HPCAL1: variants seen among roughly 807,000 people sequenced by gnomAD.
HPCAL1 encodes the protein hippocalcin-like protein 1.
Under a neutral mutation model 17.1 loss-of-function variants are expected in HPCAL1, and 8 were observed. The observed-to-expected ratio is 0.47, with a 90% CI of 0.27 to 0.84. The LOEUF is 0.84. HPCAL1 is among the 40% of genes least tolerant of loss of function. The pLI is 0.13. For synonymous variants in HPCAL1, 112 were observed against 111.4 expected, an observed-to-expected ratio of 1.01 and a Z score of -0.03; for missense variants, 165 against 271.1, an observed-to-expected ratio of 0.61 and a Z score of 2.75.
intron 2 of HPCAL1, among the ~76,000 whole-genome samples, chr2:10,413,039 G>A (rs1434335074): frequency 1.3e-5 from 2 of 152,206 alleles, no homozygotes; most frequent in African/African-American, 4.8e-5. Flanking sequence ...GCTAGACCTG[G>A]AACCTTAGGA....
chr2:10,378,417 C>G (rs559170816), intron 1 of HPCAL1, among the ~76,000 whole-genome samples: 2 of 151,880 alleles, frequency 1.3e-5, no homozygotes, highest in Non-Finnish European at 2.9e-5. Context: ...CTCCATGGAC[C>G]GGGCCGCCTA....
rs531203559 is a variant in HPCAL1 at position 10,332,262 on chromosome 2, T to G, written c.-111+29085T>G. Among the ~76,000 whole-genome samples the G allele has an allele frequency of 4.8e-4, 73 of 152,342 alleles. 1 individual carries two copies. Among genetic ancestry groups the G allele is most frequent in the Admixed American group, 3.3e-3 (51 of 15,306 alleles). On this transcript the variant is annotated intron_variant, in intron 1 of 4. Coordinates refer to ENST00000307845, the MANE Select transcript of HPCAL1 (RefSeq NM_002149.4). ...GATCCCGTCAGCTTCTTCCCCCTCC[T>G]TCTCCATCTGATCTGAGCATTTACC... is the stretch of plus-strand genomic sequence containing the variant.
intron 1 of HPCAL1, among the ~76,000 whole-genome samples, chr2:10,306,137 C>T (rs1021077041): frequency 1.3e-5 from 2 of 152,104 alleles, no homozygotes; most frequent in Non-Finnish European, 2.9e-5. Context: ...TATTTGGCAC[C>T]GAAGATTAAG....
At chr2:10,420,208 G>GGT in intron 3 of HPCAL1, 73 bp downstream of exon 3, 105 of 734,008 alleles carry the variant, frequency 1.4e-4, no homozygotes, top group Non-Finnish European at 1.8e-4. Flanking sequence ...CCAGCCCAGG[G>GGT]CTTTTTTTTT....
chr2:10,419,868 C>T lies in HPCAL1; in HGVS notation c.111C>T (p.Asp37=). The T allele has an allele frequency of 6.2e-7, 1 of 1,613,854 alleles. No individual in the cohort carries two copies. The highest frequency in any genetic ancestry group is 8.5e-7 in the Non-Finnish European group (1 of 1,179,962). ...AGTGGTACAAGGGCTTCCTCAAGGA[C>T]TGCCCCACCGGCCACCTGACCGTGG... ...LQEWYKGFLK[D]CPTGHLTVDE... is the part of the protein sequence containing the mutation. Residue 37 remains aspartate (D), a synonymous_variant, in exon 3 of 5, where the codon GAC becomes GAT. Transcript: ENST00000307845. This position sits in a 1 kb window ranked among gnomAD's most constrained non-coding sequence, Gnocchi z 5.0.
In HPCAL1 at chr2:10,403,454, T is replaced by TTG. The variant is rs70948890; in HGVS notation, c.-25+6583_-25+6584dup. ...GATGCCCTCATAACAAAGAGTTCTT[T>TTG]TGTGTGTGTGTGTGTGTGTGTGTGT... On this transcript the variant is annotated intron_variant, in intron 2 of 4. Transcript: ENST00000307845. Among the ~76,000 whole-genome samples, 601 of 65,022 alleles carry TTG rather than the reference T, an allele frequency of 9.2e-3. 1 individual carries two copies. The highest frequency in any genetic ancestry group is 0.012 in the Middle Eastern group (2 of 172). The allele number at this position is 65,022 out of a possible 152,430, so 42.7% of individuals were successfully genotyped here. A position where few individuals can be genotyped will look rare whatever the true frequency, so the allele number is the denominator to read the frequency against.
At chr2:10,422,691 C>T (rs1671138411) in intron 3 of HPCAL1, among the ~76,000 whole-genome samples, 1 of 152,194 alleles carries the variant, frequency 6.6e-6, no homozygotes, top group Admixed American at 6.5e-5. Flanking sequence ...CATTCCCAGC[C>T]CCCGACAGGG....
At chr2:10,338,621 T>G (rs1160807166) in intron 1 of HPCAL1, among the ~76,000 whole-genome samples, 2 of 152,102 alleles carry the variant, frequency 1.3e-5, no homozygotes, top group African/African-American at 4.8e-5. Context: ...ATGTATGAAG[T>G]CAGTAAGCCA....
At chr2:10,372,046 T>G (rs1667244501) in intron 1 of HPCAL1, among the ~76,000 whole-genome samples, 1 of 152,380 alleles carries the variant, frequency 6.6e-6, no homozygotes, top group East Asian at 1.9e-4. Flanking sequence ...ATACACACAA[T>G]GGTCATCTTT....
At chr2:10,398,818 C>T (rs1480949397) in intron 2 of HPCAL1, among the ~76,000 whole-genome samples, 1 of 152,088 alleles carries the variant, frequency 6.6e-6, no homozygotes, top group East Asian at 1.9e-4. Flanking sequence ...CAGGCTGGGG[C>T]CTCAGCCTCA....
At chr2:10,328,606 G>A (rs1412329322) in intron 1 of HPCAL1, among the ~76,000 whole-genome samples, 5 of 152,154 alleles carry the variant, frequency 3.3e-5, no homozygotes, top group Non-Finnish European at 5.9e-5. Context: ...TCTTGGACAT[G>A]GAGCTCCCGG....
chr2:10,327,104 C>T (rs530606534), intron 1 of HPCAL1, among the ~76,000 whole-genome samples: 2 of 152,188 alleles, frequency 1.3e-5, no homozygotes, highest in Non-Finnish European at 2.9e-5. Context: ...AGTGCCTCTT[C>T]ACTGCAGCAT....
intron 2 of HPCAL1, among the ~76,000 whole-genome samples, chr2:10,398,707 G>A (rs575977182): frequency 8.5e-5 from 13 of 152,254 alleles, no homozygotes; most frequent in South Asian, 2.1e-4. Flanking sequence ...TCTGCATCCC[G>A]TGGGTGGGGT....
In HPCAL1 at chr2:10,394,725, G is replaced by A. The variant is rs547355161; in HGVS notation, c.-110-2110G>A. Among the ~76,000 whole-genome samples the A allele has an allele frequency of 3.3e-5, 5 of 152,314 alleles. No individual in the cohort carries two copies. In the East Asian group the frequency reaches 5.8e-4, roughly 18 times the overall value. ...GTGGATCGTGGGGAAGGCTGTGGCC[G>A]GGAGTGGTGTAAGGGGTGTGTGGGA... is the stretch of plus-strand genomic sequence containing the variant. On this transcript the variant is annotated intron_variant, in intron 1 of 4. Coordinates refer to ENST00000307845, the MANE Select transcript of HPCAL1 (RefSeq NM_002149.4). This position sits in a 1 kb window ranked among gnomAD's most constrained non-coding sequence, Gnocchi z 5.0.
rs1336001681 is a variant in HPCAL1, at chr2:10,384,158, C to A, written c.-110-12677C>A. Among the ~76,000 whole-genome samples the A allele has an allele frequency of 6.6e-6, 1 of 152,092 alleles. No homozygotes were observed. The highest frequency in any genetic ancestry group is 2.4e-5 in the African/African-American group (1 of 41,390). The stretch of plus-strand genomic sequence containing the variant: ...CAATCCTAGGCAGACAAAAGAACAA[C>A]CCCAGACCTCCTCCCTCAGGGTGGG... On this transcript the variant is annotated intron_variant, in intron 1 of 4. Transcript: ENST00000307845. The surrounding 1 kb of genome is among the most constrained non-coding windows in gnomAD (Gnocchi z 4.4).
rs551482524 is a variant in HPCAL1 at position 10,384,352 on chromosome 2, C to T, written c.-110-12483C>T. Among the ~76,000 whole-genome samples the T allele has an allele frequency of 3.3e-5, 5 of 152,184 alleles. No homozygotes were observed. In the East Asian group the frequency reaches 9.7e-4, roughly 30 times the overall value. On this transcript the variant is annotated intron_variant, in intron 1 of 4. Coordinates refer to ENST00000307845, the MANE Select transcript of HPCAL1 (RefSeq NM_002149.4). This position sits in a 1 kb window ranked among gnomAD's most constrained non-coding sequence, Gnocchi z 4.4. Reference sequence around the variant, plus strand: ...AGGGAGAGAACACCCTCCACACATCCCCGTGGGATGTCTGGAGGGAAGGGT... The same window carrying T: ...AGGGAGAGAACACCCTCCACACATCTCCGTGGGATGTCTGGAGGGAAGGGT...
chr2:10,364,201 C>T (rs367668939), intron 1 of HPCAL1, among the ~76,000 whole-genome samples: 2 of 152,212 alleles, frequency 1.3e-5, no homozygotes, highest in South Asian at 2.1e-4. Flanking sequence ...CACCCAGAGG[C>T]GGGTGTCTGC....
intron 3 of HPCAL1, 42 bp downstream of exon 3, chr2:10,420,177 T>G: frequency 7.5e-7 from 1 of 1,325,920 alleles, no homozygotes; most frequent in Non-Finnish European, 1.0e-6. Context: ...CGGGCCCAGG[T>G]CCCCTCCCAG....
rs940125899 is a variant in HPCAL1, at chr2:10,359,278, G to A, written c.-110-37557G>A. Among the ~76,000 whole-genome samples, 3 of 152,180 alleles carry A rather than the reference G, an allele frequency of 2.0e-5. No homozygotes were observed. The highest frequency in any genetic ancestry group is 6.5e-5 in the Admixed American group (1 of 15,284). ...TATGTTTGCTGCGGGCTGGCTCGGC[G>A]AGGGGGAGGTGGGCAGCTGGGGGCT... On this transcript the variant is annotated intron_variant, in intron 1 of 4. Coordinates refer to ENST00000307845, the MANE Select transcript of HPCAL1 (RefSeq NM_002149.4). This position sits in a 1 kb window ranked among gnomAD's most constrained non-coding sequence, Gnocchi z 4.1.
Sources: allele counts gnomAD v4.1 joint callset (sites outside exome capture counted in the v4.1 genomes callset), GRCh38; gene constraint gnomAD v4.1.1; non-coding constraint Gnocchi (gnomAD v3.1); transcripts MANE v1.5; gene names NCBI Gene and HGNC (gene_info 2026-07-23, HGNC 2026-07-21).